The following SHANK2 variants were observed in gnomAD, a reference collection of about 807,000 sequenced individuals.
SHANK2 encodes the protein SH3 and multiple ankyrin repeat domains protein 2.
Under a neutral mutation model 133.7 loss-of-function variants are expected in SHANK2, and 43 were observed. That is an observed-to-expected ratio of 0.32 (90% confidence interval 0.25 to 0.41). The LOEUF (loss-of-function observed/expected upper bound fraction) is 0.41, where lower values mean the gene tolerates loss of function less well. Ranked by LOEUF, SHANK2 falls within the 10% of genes least tolerant of loss-of-function variation. The probability of loss-of-function intolerance (pLI) is 1.00; values close to 1 mark genes in which losing one functional copy is unlikely to be tolerated. For synonymous variants in SHANK2, 1,017 were observed against 952.8 expected, an observed-to-expected ratio of 1.07 and a Z score of -1.24; for missense variants, 1,994 against 2,235.8, an observed-to-expected ratio of 0.89 and a Z score of 2.18.
At chr11:71,179,055 T>C (rs1186024541) in intron 2 of SHANK2, among the ~76,000 whole-genome samples, 3 of 152,208 alleles carry the variant, frequency 2.0e-5, no homozygotes, top group Admixed American at 1.3e-4. Flanking sequence ...TGGAGGATTA[T>C]ATTTTTTTCC....
At chr11:70,803,525 C>G (rs1256223178) in intron 13 of SHANK2, among the ~76,000 whole-genome samples, 1 of 151,796 alleles carries the variant, frequency 6.6e-6, no homozygotes, top group Non-Finnish European at 1.5e-5. Flanking sequence ...TGCAAAATCA[C>G]CTGAGGAGCT....
chr11:70,783,338 C>T (rs146697765), intron 14 of SHANK2, among the ~76,000 whole-genome samples: 5 of 152,260 alleles, frequency 3.3e-5, no homozygotes, highest in African/African-American at 1.2e-4. Flanking sequence ...AGGGCACCCA[C>T]GTTTACATCG....
intron 14 of SHANK2, among the ~76,000 whole-genome samples, chr11:70,742,825 G>A (rs1212652400): frequency 3.3e-5 from 5 of 152,210 alleles, no homozygotes; most frequent in African/African-American, 9.7e-5. Flanking sequence ...GGGGGCTGGA[G>A]TCTCCCTGCA....
chr11:70,544,814 A>T (rs1424474431), intron 17 of SHANK2, among the ~76,000 whole-genome samples: 1 of 152,182 alleles, frequency 6.6e-6, no homozygotes, highest in Non-Finnish European at 1.5e-5. Context: ...GCCACAAAGG[A>T]GCAAATGTCA....
chr11:70,931,339 G>C (rs1950501883), intron 10 of SHANK2, among the ~76,000 whole-genome samples: 1 of 152,236 alleles, frequency 6.6e-6, no homozygotes, highest in African/African-American at 2.4e-5. Flanking sequence ...ATACACGTTA[G>C]ACGGGTAAAT....
chr11:71,190,718 G>C (rs774501015), intron 2 of SHANK2, among the ~76,000 whole-genome samples: 4 of 152,184 alleles, frequency 2.6e-5, no homozygotes, highest in Admixed American at 1.3e-4. Flanking sequence ...GCACGCAGGC[G>C]TTGAGAGGAG....
intron 14 of SHANK2, among the ~76,000 whole-genome samples, chr11:70,773,820 C>T (rs559824204): frequency 1.3e-5 from 2 of 152,048 alleles, no homozygotes; most frequent in Non-Finnish European, 2.9e-5. Context: ...AACAACAAAC[C>T]AGATAATAGG....
intron 17 of SHANK2, among the ~76,000 whole-genome samples, chr11:70,505,981 C>CAGTT (rs1565080889): frequency 6.6e-6 from 1 of 152,092 alleles, no homozygotes; most frequent in Admixed American, 6.5e-5. Context: ...TTGGGAGAAG[C>CAGTT]AGTTTGTTCC....
intron 17 of SHANK2, among the ~76,000 whole-genome samples, chr11:70,551,661 G>A (rs781893312): frequency 5.9e-5 from 9 of 152,294 alleles, no homozygotes; most frequent in Non-Finnish European, 1.0e-4. Context: ...ACAACGATGC[G>A]CTAGTTACGT....
intron 3 of SHANK2, among the ~76,000 whole-genome samples, chr11:71,133,611 G>A (rs1191172307): frequency 6.6e-6 from 1 of 151,928 alleles, no homozygotes; most frequent in Non-Finnish European, 1.5e-5. Context: ...GGGTGGGTAG[G>A]TGGGTGGAAG....
In SHANK2 at chr11:70,868,195, C is replaced by T. The variant is rs574875961; in HGVS notation, c.1174+28306G>A. The stretch of plus-strand genomic sequence containing the variant: ...TCGTTCTCACTTTCAATGGCTTGGC[C>T]CAGAGGGTGCAGGTGAAGAAGGTGG... On this transcript the variant is annotated intron_variant, in intron 11 of 25. Coordinates refer to ENST00000601538, the MANE Select transcript of SHANK2 (RefSeq NM_012309.5). Among the ~76,000 whole-genome samples, 46 of 152,218 alleles carry T rather than the reference C, an allele frequency of 3.0e-4. No individual in the cohort carries two copies. In the South Asian group the frequency reaches 9.1e-3, roughly 30 times the overall value.
chr11:70,633,680 G>T (rs566813219), intron 17 of SHANK2: 39 of 152,318 alleles, frequency 2.6e-4, no homozygotes, highest in African/African-American at 9.1e-4. Flanking sequence ...AATGTCTGCA[G>T]GGCCCACCCC....
Position 70,493,932 on chromosome 11 carries a change from A to T in SHANK2, c.2309-1467T>A, listed in dbSNP as rs114825511. 9.2e-5 allele frequency among the ~76,000 whole-genome samples: 14 copies of T among 152,202 alleles called. 1 individual carries two copies. The South Asian group carries it at 2.5e-3, about 27-fold the overall frequency. Reference sequence around the variant, plus strand: ...CAGGGAGGAAGGCCCCCATCTCCAAATTGTTCTTCAAGCTGAGGCGGAAGT... The same window carrying T: ...CAGGGAGGAAGGCCCCCATCTCCAATTTGTTCTTCAAGCTGAGGCGGAAGT... On this transcript the variant is annotated intron_variant, in intron 21 of 25. Coordinates refer to ENST00000601538, the MANE Select transcript of SHANK2 (RefSeq NM_012309.5).
At chr11:71,127,966 G>A (rs1439160163) in intron 3 of SHANK2, among the ~76,000 whole-genome samples, 2 of 152,136 alleles carry the variant, frequency 1.3e-5, no homozygotes, top group Admixed American at 6.6e-5. Context: ...TCCTCTCCGC[G>A]TCTGCCGGCT....
At chr11:70,681,503 C>G (rs1945028706) in intron 15 of SHANK2, among the ~76,000 whole-genome samples, 1 of 152,208 alleles carries the variant, frequency 6.6e-6, no homozygotes, top group Non-Finnish European at 1.5e-5. Flanking sequence ...ACATCCACCA[C>G]ATCCACCCCA....
At chr11:71,109,630 T>C (rs1951860198) in intron 6 of SHANK2, among the ~76,000 whole-genome samples, 1 of 152,224 alleles carries the variant, frequency 6.6e-6, no homozygotes, top group African/African-American at 2.4e-5. Context: ...TAAAGATCTG[T>C]GTGCCCAAGG....
At chr11:70,902,509 C>A (rs1950037720) in intron 10 of SHANK2, among the ~76,000 whole-genome samples, 1 of 152,224 alleles carries the variant, frequency 6.6e-6, no homozygotes, top group East Asian at 1.9e-4. Flanking sequence ...TCTCAGGGGG[C>A]TCCCCTTAGC....
At chr11:71,084,514 C>T (rs1446607865) in intron 8 of SHANK2, among the ~76,000 whole-genome samples, 2 of 152,198 alleles carry the variant, frequency 1.3e-5, no homozygotes, top group South Asian at 2.1e-4. Flanking sequence ...CTCTCCCACA[C>T]GATGAACGCC....
At position 70,845,198 on chromosome 11, in the gene SHANK2, C is replaced by CAAAA. The variant is rs782471301; in HGVS notation, c.1175-24520_1175-24517dup. On this transcript the variant is annotated intron_variant, in intron 11 of 25. Transcript: ENST00000601538. ...TGGGTGACAGAGCAAGACTCTGTCT[C>CAAAA]AAAAAAAAAAAAAAAAAAAAAGAAA... is the stretch of plus-strand genomic sequence containing the variant. 4.8e-3 allele frequency among the ~76,000 whole-genome samples: 250 copies of CAAAA among 51,628 alleles called. 3 individuals are homozygous for CAAAA. Among genetic ancestry groups the CAAAA allele is most frequent in the African/African-American group, 0.017 (229 of 13,860 alleles). The allele number at this position is 51,628 out of a possible 152,430, so 33.9% of individuals were successfully genotyped here. A position where few individuals can be genotyped will look rare whatever the true frequency, so the allele number is the denominator to read the frequency against.
Sources: gnomAD v4.1 joint callset for allele counts (sites outside exome capture counted in the v4.1 genomes callset) on GRCh38, gnomAD v4.1.1 for gene constraint, MANE v1.5 for transcripts, NCBI Gene and HGNC (gene_info 2026-07-23, HGNC 2026-07-21) for gene names.